KIF14: variants seen among roughly 807,000 people sequenced by gnomAD.
The protein encoded by KIF14 is kinesin family member 14.
Under a neutral mutation model 176.2 loss-of-function variants are expected in KIF14, and 98 were observed. The observed-to-expected ratio is 0.56, with a 90% CI of 0.47 to 0.66. The LOEUF is 0.66. KIF14 is among the 30% of genes least tolerant of loss of function. KIF14 has a pLI of 0.00. For synonymous variants in KIF14, 566 were observed against 632.2 expected (o/e 0.90, Z 1.57); for missense variants, 1,751 against 1,920.4 (o/e 0.91, Z 1.65).
chr1:200,570,840 A>AT (rs1285824944), intron 22 of KIF14, among the ~76,000 whole-genome samples: 1 of 152,034 alleles, frequency 6.6e-6, no homozygotes, highest in Non-Finnish European at 1.5e-5. Flanking sequence ...TCTACAGATA[A>AT]TTTTGTCACA....
At chr1:200,614,430 G>A in intron 3 of KIF14, 25 bp from the exon 4 acceptor site, 2 of 1,377,410 alleles carry the variant, frequency 1.5e-6, no homozygotes, top group Non-Finnish European at 2.1e-6. Context: ...ATGAATAAGG[G>A]GGAAATAAAA....
At chr1:200,561,081 A>C (rs187493240) in intron 25 of KIF14, among the ~76,000 whole-genome samples, 1 of 152,152 alleles carries the variant, frequency 6.6e-6, no homozygotes, top group East Asian at 1.9e-4. Flanking sequence ...AAATACAAAA[A>C]TTAGTCAGGC....
At chr1:200,603,794 C>T (rs1659741244) in intron 9 of KIF14, 45 bp downstream of exon 9, 1 of 1,192,048 alleles carries the variant, frequency 8.4e-7, no homozygotes, top group African/African-American at 1.5e-5. Flanking sequence ...AAATAATGAC[C>T]TCAGGAATAA....
intron 19 of KIF14, 62 bp downstream of exon 19, chr1:200,586,039 A>G: frequency 1.7e-6 from 2 of 1,163,276 alleles, no homozygotes; most frequent in South Asian, 4.9e-5. Flanking sequence ...TATTTTAGTA[A>G]TTATATTACA....
chr1:200,611,617 A>G (rs747617682), intron 4 of KIF14, among the ~76,000 whole-genome samples: 4 of 152,168 alleles, frequency 2.6e-5, no homozygotes, highest in Non-Finnish European at 5.9e-5. Context: ...TGTGGGAAAC[A>G]AATTGGAAAA....
At chr1:200,589,463 C>A in intron 17 of KIF14, 94 bp from the exon 18 acceptor site, 1 of 1,047,424 alleles carries the variant, frequency 9.5e-7, no homozygotes. Context: ...AGAAATTACT[C>A]ACTAATAGAA....
intron 18 of KIF14, among the ~76,000 whole-genome samples, chr1:200,588,452 G>A (rs528585969): frequency 6.6e-6 from 1 of 151,852 alleles, no homozygotes; most frequent in Non-Finnish European, 1.5e-5. Context: ...TGTTGGCCAG[G>A]ATGGCATCGA....
chr1:200,600,502 T>G lies in KIF14; in HGVS notation c.2154A>C (p.Glu718Asp), dbSNP rs1659573322. The change falls in exon 12 of 30, where the codon GAA becomes GAC. Residue 718 changes from glutamate to aspartate, a missense_variant and splice_region_variant. Transcript: ENST00000367350. ...TTAGCTTTGCAATTTCTGCCTTCAA[T>G]TCTGAAGATTTATACAAAGATGCAT... is the stretch of plus-strand genomic sequence containing the variant. ...NEDMNAKLIR[E>D]LKAEIAKLKA... The G allele has an allele frequency of 6.2e-7, 1 of 1,607,336 alleles. No individual in the cohort carries two copies. Among genetic ancestry groups the G allele is most frequent in the South Asian group, 1.1e-5 (1 of 90,892 alleles).
chr1:200,600,534 T>C, intron 11 of KIF14, 31 bp from the exon 12 acceptor site: 5 of 1,473,528 alleles, frequency 3.4e-6, no homozygotes, highest in Non-Finnish European at 4.7e-6. Context: ...GCATTAATAA[T>C]AACATTTAAT....
At chr1:200,575,475 G>T in intron 22 of KIF14, 116 bp downstream of exon 22, 1 of 467,960 alleles carries the variant, frequency 2.1e-6, no homozygotes, top group South Asian at 6.8e-5. Flanking sequence ...CATCTATCAT[G>T]ACAACGGTTC....
chr1:200,568,657 T>C (rs1317999790), intron 23 of KIF14, among the ~76,000 whole-genome samples: 1 of 152,132 alleles, frequency 6.6e-6, no homozygotes, highest in Non-Finnish European at 1.5e-5. Context: ...CACCATCCCA[T>C]CCCAACAGGT....
At chr1:200,602,272 A>C (rs1236588907) in intron 10 of KIF14, among the ~76,000 whole-genome samples, 1 of 152,152 alleles carries the variant, frequency 6.6e-6, no homozygotes, top group African/African-American at 2.4e-5. Flanking sequence ...ATATTGTTTC[A>C]AGAGGCAATA....
At chr1:200,572,279 A>T (rs1657833753) in intron 22 of KIF14, among the ~76,000 whole-genome samples, 1 of 152,226 alleles carries the variant, frequency 6.6e-6, no homozygotes, top group Non-Finnish European at 1.5e-5. Flanking sequence ...ATTTCTGCTG[A>T]TTCCCTAATT....
chr1:200,577,456 C>T (rs891804286), intron 21 of KIF14, among the ~76,000 whole-genome samples: 2 of 152,108 alleles, frequency 1.3e-5, no homozygotes, highest in African/African-American at 4.8e-5. Flanking sequence ...CCGTGCCCAG[C>T]CCTGCTAACA....
chr1:200,591,398 G>C (rs1659044040), intron 16 of KIF14, among the ~76,000 whole-genome samples: 1 of 152,184 alleles, frequency 6.6e-6, no homozygotes, highest in South Asian at 2.1e-4. Flanking sequence ...GCATTCTCCA[G>C]ATTTGAGTGC....
At chr1:200,579,932 TTTC>T (rs1298472550) in intron 21 of KIF14, among the ~76,000 whole-genome samples, 1 of 152,042 alleles carries the variant, frequency 6.6e-6, no homozygotes, top group Middle Eastern at 3.2e-3. Context: ...GTCTATCAAA[TTTC>T]TTCTTTCCTT....
At chr1:200,615,841 C>T (rs1422175721) in intron 2 of KIF14, among the ~76,000 whole-genome samples, 1 of 152,104 alleles carries the variant, frequency 6.6e-6, no homozygotes, top group East Asian at 1.9e-4. Flanking sequence ...CTCCAGAAAA[C>T]CTATCCTACT....
chr1:200,557,103 A>G (rs898797516), intron 27 of KIF14, among the ~76,000 whole-genome samples: 2 of 152,224 alleles, frequency 1.3e-5, no homozygotes, highest in Non-Finnish European at 2.9e-5. Context: ...TCCCAGGTTC[A>G]AGCGATTCTC....
At chr1:200,580,155 C>A (rs1195575643) in intron 21 of KIF14, 99 bp downstream of exon 21, 2 of 588,098 alleles carry the variant, frequency 3.4e-6, no homozygotes, top group Non-Finnish European at 2.5e-6. Context: ...GAGAATATGT[C>A]ACTTTTATAT....
Sources: allele counts gnomAD v4.1 joint callset (sites outside exome capture counted in the v4.1 genomes callset), GRCh38; gene constraint gnomAD v4.1.1; transcripts MANE v1.5; gene names NCBI Gene and HGNC (gene_info 2026-07-23, HGNC 2026-07-21).